The following SDAD1 variants were observed in gnomAD, a reference collection of about 807,000 sequenced individuals.
SDAD1 encodes protein SDA1 homolog.
SDAD1 carries 79 observed loss-of-function variants against 100.3 expected under a neutral mutation model. The observed-to-expected ratio is 0.79, with a 90% CI of 0.66 to 0.95. The LOEUF (loss-of-function observed/expected upper bound fraction) is 0.95. Ranked by LOEUF, SDAD1 falls within the 40% of genes least tolerant of loss-of-function variation. The probability of loss-of-function intolerance (pLI) is 0.00; values close to 1 mark genes in which losing one functional copy is unlikely to be tolerated. For missense variants in SDAD1, 790 were observed against 810.9 expected, an observed-to-expected ratio of 0.97 and a Z score of 0.31; for synonymous variants, 267 against 271.4, an observed-to-expected ratio of 0.98 and a Z score of 0.16.
intron 6 of SDAD1, 44 bp downstream of exon 6, chr4:75,975,700 G>T: frequency 1.5e-6 from 2 of 1,325,122 alleles, no homozygotes; most frequent in Non-Finnish European, 2.2e-6. Flanking sequence ...AATTACAAAT[G>T]AAAAAAGAGT....
chr4:75,957,655 G>T lies in SDAD1; in HGVS notation c.1632C>A (p.Ala544=). The T allele has an allele frequency of 6.2e-7, 1 of 1,614,148 alleles. No homozygotes were observed. The highest frequency in any genetic ancestry group is 1.7e-5 in the Admixed American group (1 of 60,026). ...PMEERKAKAA[A]ISTSRVLTQE... is the part of the protein sequence containing the mutation. ...GAGTTAAAACTCGGCTAGTGCTGAT[G>T]GCTGCAGCTTTGGCCTTCCGCTCCT... Residue 544 remains alanine, a synonymous_variant, in exon 19 of 22, where the codon GCC becomes GCA. Coordinates refer to ENST00000356260, the MANE Select transcript of SDAD1 (RefSeq NM_018115.4).
intron 11 of SDAD1, 50 bp from the exon 12 acceptor site, chr4:75,967,384 T>A (rs1282268558): frequency 6.6e-7 from 1 of 1,513,310 alleles, no homozygotes; most frequent in South Asian, 1.1e-5. Context: ...CACTATGGAG[T>A]TCCATTTCTT....
At chr4:75,982,091 TACAG>T in intron 1 of SDAD1, 54 bp from the exon 2 acceptor site, 8 of 1,052,922 alleles carry the variant, frequency 7.6e-6, no homozygotes, top group Middle Eastern at 4.1e-4. Flanking sequence ...ACTTTCTCAG[TACAG>T]ACATTCAGTA....
intron 1 of SDAD1, among the ~76,000 whole-genome samples, chr4:75,984,625 CACTT>C (rs1463584434): frequency 6.6e-6 from 1 of 152,136 alleles, no homozygotes; most frequent in Non-Finnish European, 1.5e-5. Context: ...CACATCAACT[CACTT>C]ACTTATGTTT....
intron 16 of SDAD1, 85 bp from the exon 17 acceptor site, chr4:75,960,277 A>AT: frequency 8.3e-7 from 1 of 1,206,314 alleles, no homozygotes. Flanking sequence ...TTATGAATTT[A>AT]TTTTATTTAT....
At chr4:75,957,804 T>A in intron 18 of SDAD1, 43 bp downstream of exon 18, 1 of 1,612,202 alleles carries the variant, frequency 6.2e-7, no homozygotes. Flanking sequence ...ATAAATTACG[T>A]CTTAATAAAC....
chr4:75,974,218 T>C (rs1457316955), intron 6 of SDAD1, 85 bp from the exon 7 acceptor site: 2 of 1,109,120 alleles, frequency 1.8e-6, no homozygotes, highest in Admixed American at 3.4e-5. Flanking sequence ...ATAAATGATA[T>C]AACAAATGTT....
intron 21 of SDAD1, among the ~76,000 whole-genome samples, chr4:75,952,058 T>C (rs1351572031): frequency 3.3e-5 from 5 of 152,248 alleles, no homozygotes; most frequent in African/African-American, 1.2e-4. Context: ...TCTTGGTATG[T>C]CTTTGCAGAA....
Position 75,981,954 on chromosome 4 carries a change from C to G in SDAD1, c.174G>C (p.Glu58Asp), listed in dbSNP as rs1298615974. 3.1e-6 allele frequency: 5 copies of G among 1,610,160 alleles called. No individual in the cohort carries two copies. Among genetic ancestry groups the G allele is most frequent in the Non-Finnish European group, 4.2e-6 (5 of 1,178,372 alleles). ...TTACCTGTGCCATAAACATCACCAGCTCTGCTAGTTCTTTGCTGGGTTTAT... is the reference window on the plus strand; with the variant it reads ...TTACCTGTGCCATAAACATCACCAGGTCTGCTAGTTCTTTGCTGGGTTTAT... ...QPNKPSKELA[E>D]LVMFMAQISH... The change falls in exon 2 of 22, where the codon GAG (glutamate) becomes GAC (aspartate). Residue 58 changes from glutamate to aspartate, a missense_variant. Glu to Asp is a conservative substitution (Grantham distance 45). Transcript: ENST00000356260.
intron 20 of SDAD1, among the ~76,000 whole-genome samples, chr4:75,956,859 C>A (rs529827980): frequency 2.2e-4 from 33 of 152,198 alleles, no homozygotes; most frequent in Non-Finnish European, 2.5e-4. Context: ...CCTATACTCC[C>A]AGCACTTTGG....
At position 75,981,579 on chromosome 4, in the gene SDAD1, G is replaced by C. The variant is rs552221848; in HGVS notation, c.196-109C>G. The C allele has an allele frequency of 5.4e-5, 83 of 1,546,472 alleles. No homozygotes were observed. The African/African-American group carries it at 9.8e-4, about 18-fold the overall frequency. On this transcript the variant is annotated intron_variant, in intron 2 of 21. Transcript: ENST00000356260. ...CGAGAGTAAAAGGCTATGTTTCATA[G>C]AAGTAGATGGTTCCAAACAACCTTC...
At chr4:75,981,246 A>C in intron 3 of SDAD1, 126 bp downstream of exon 3, 1 of 851,992 alleles carries the variant, frequency 1.2e-6, no homozygotes, top group Non-Finnish European at 1.8e-6. Context: ...ATTTTTAGGA[A>C]AGGATAATAC....
intron 20 of SDAD1, among the ~76,000 whole-genome samples, chr4:75,956,396 GT>G (rs1332896998): frequency 3.6e-5 from 4 of 110,972 alleles, no homozygotes; most frequent in Non-Finnish European, 3.8e-5. Flanking sequence ...CAGGTAGACT[GT>G]TTTTTTTTTG....
rs772851496 is a variant in SDAD1, at chr4:75,990,886, C to CA, written c.-46dup. The CA allele has an allele frequency of 6.2e-7, 1 of 1,612,770 alleles. No homozygotes were observed. The highest frequency in any genetic ancestry group is 8.5e-7 in the Non-Finnish European group (1 of 1,179,388). On this transcript the variant is annotated 5_prime_UTR_variant, in exon 1 of 22. Coordinates refer to ENST00000356260, the MANE Select transcript of SDAD1 (RefSeq NM_018115.4). ...CGCGGCGAGCAGTTTTAAAAAAACT[C>CA]AGACGGCCGGCACCCCGCAATCCCT...
At position 75,957,332 on chromosome 4, in the gene SDAD1, G is replaced by C; in HGVS notation, c.1847C>G (p.Thr616Ser). ...PKSDKETRLA[T>S]AMAGKTDRKE... ...AATGATATGCTCACTCACCATTGCA[G>C]TTGCTAGTCTTGTCTCTTTGTCAGA... Residue 616 changes from threonine (T) to serine (S), a missense_variant, in exon 20 of 22, where the codon ACT becomes AGT. Coordinates refer to ENST00000356260, the MANE Select transcript of SDAD1 (RefSeq NM_018115.4). The C allele has an allele frequency of 6.2e-7, 1 of 1,613,620 alleles. No individual in the cohort carries two copies. Among genetic ancestry groups the C allele is most frequent in the Non-Finnish European group, 8.5e-7 (1 of 1,179,668 alleles).
chr4:75,964,273 G>T, intron 13 of SDAD1, 62 bp from the exon 14 acceptor site: 1 of 1,066,000 alleles, frequency 9.4e-7, no homozygotes, highest in Non-Finnish European at 1.4e-6. Context: ...AAACACATAA[G>T]AATGAAAGGA....
Position 75,990,757 on chromosome 4 carries a change from CGATGTAGGCCGGCGGGTCTCGCTT to C in SDAD1, c.61_84del (p.Lys21_Ile28del), listed in dbSNP as rs1560562799. ...CTGCCGCGCCGCACTCCCACCTCCT[CGATGTAGGCCGGCGGGTCTCGCTT>C]GATTAGATTCTGTAACTGCGGCAGG... On this transcript the variant is annotated inframe_deletion, in exon 1 of 22. Transcript: ENST00000356260. 1 of 1,614,034 alleles carries C rather than the reference CGATGTAGGCCGGCGGGTCTCGCTT, an allele frequency of 6.2e-7. No homozygotes were observed. Among genetic ancestry groups the C allele is most frequent in the Non-Finnish European group, 8.5e-7 (1 of 1,179,960 alleles).
chr4:75,960,912 T>C, intron 16 of SDAD1, 116 bp downstream of exon 16: 1 of 835,282 alleles, frequency 1.2e-6, no homozygotes, highest in South Asian at 1.5e-5. Context: ...ACCGTGTGCA[T>C]CATAACCATG....
At chr4:75,954,307 G>A (rs529704462) in intron 21 of SDAD1, among the ~76,000 whole-genome samples, 3 of 151,780 alleles carry the variant, frequency 2.0e-5, no homozygotes, top group Admixed American at 6.6e-5. Context: ...CCGTGAACCC[G>A]GGAGGCAGAG....
Sources: allele counts gnomAD v4.1 joint callset (sites outside exome capture counted in the v4.1 genomes callset), GRCh38; gene constraint gnomAD v4.1.1; transcripts MANE v1.5; gene names NCBI Gene and HGNC (gene_info 2026-07-23, HGNC 2026-07-21).